The following LINGO2 variants were observed in gnomAD, a reference collection of about 807,000 sequenced individuals.
LINGO2 encodes leucine-rich repeat and immunoglobulin-like domain-containing nogo receptor-interacting protein 2.
In LINGO2, 14 loss-of-function variants were observed where a neutral mutation model predicts 30.6. The ratio of observed to expected loss-of-function variants is 0.46; its 90% CI spans 0.30 to 0.72. The LOEUF is 0.72. Among genes scored for constraint, LINGO2 ranks in the 30% least tolerant of loss-of-function variants. The pLI, the probability that LINGO2 is intolerant of heterozygous loss-of-function variation, is 0.07. For synonymous variants in LINGO2, 317 were observed against 288.5 expected, an observed-to-expected ratio of 1.10 and a Z score of -1.00; for missense variants, 729 against 751.7, an observed-to-expected ratio of 0.97 and a Z score of 0.35.
Position 28,209,419 on chromosome 9 carries a change from T to G in LINGO2, c.-87+85789A>C, listed in dbSNP as rs181480027. ...AATTTCCCTTGGGAATTTCTTTTCA[T>G]ACTGCAGGTGGTCTCATGAACTTTT... On this transcript the variant is annotated intron_variant, in intron 4 of 5. Coordinates refer to ENST00000379992, the Ensembl canonical transcript of LINGO2. 2.6e-5 allele frequency among the ~76,000 whole-genome samples: 4 copies of G among 152,034 alleles called. No homozygotes were observed. The East Asian group carries it at 7.7e-4, about 29-fold the overall frequency.
intron 5 of LINGO2, among the ~76,000 whole-genome samples, chr9:28,001,139 A>T (rs1023109686): frequency 4.6e-5 from 7 of 151,836 alleles, no homozygotes; most frequent in East Asian, 1.9e-4. Flanking sequence ...TTCCAAACAA[A>T]TTTTTTTTTA....
chr9:28,082,565 C>T (rs758723998), intron 4 of LINGO2, among the ~76,000 whole-genome samples: 2 of 151,980 alleles, frequency 1.3e-5, no homozygotes, highest in African/African-American at 2.4e-5. Context: ...TTGAAAGTGG[C>T]AGTAAACAAA....
chr9:28,442,082 C>A (rs1824221644), intron 2 of LINGO2, among the ~76,000 whole-genome samples: 1 of 150,748 alleles, frequency 6.6e-6, no homozygotes, highest in Non-Finnish European at 1.5e-5. Flanking sequence ...AGTGTTTTGC[C>A]TGTGATCTCG....
the LINGO2 span, among the ~76,000 whole-genome samples, chr9:29,154,934 G>A: frequency 6.6e-6 from 1 of 152,088 alleles, no homozygotes; most frequent in African/African-American, 2.4e-5. Flanking sequence ...CCCACTGACT[G>A]GGCCATTCAC....
intron 5 of LINGO2, among the ~76,000 whole-genome samples, chr9:28,009,263 A>G (rs1822429397): frequency 6.6e-6 from 1 of 152,076 alleles, no homozygotes; most frequent in Non-Finnish European, 1.5e-5. Context: ...AGTCATAGAC[A>G]AACTATGAGG....
chr9:28,345,510 T>G (rs1243923632), intron 3 of LINGO2, among the ~76,000 whole-genome samples: 1 of 152,196 alleles, frequency 6.6e-6, no homozygotes, highest in Non-Finnish European at 1.5e-5. Context: ...GATCACTTAG[T>G]AATTGCAATT....
At chr9:28,521,939 C>T (rs1339599365) in intron 1 of LINGO2, among the ~76,000 whole-genome samples, 1 of 152,172 alleles carries the variant, frequency 6.6e-6, no homozygotes, top group Non-Finnish European at 1.5e-5. Context: ...ATAGCCACCA[C>T]AAGCTAGAAG....
intron 5 of LINGO2, among the ~76,000 whole-genome samples, chr9:27,996,369 A>C (rs1821662875): frequency 6.6e-6 from 1 of 152,220 alleles, no homozygotes; most frequent in South Asian, 2.1e-4. Flanking sequence ...AATAGCCAAA[A>C]TATAGACTCA....
At chr9:29,191,898 AT>A in the LINGO2 span, among the ~76,000 whole-genome samples, 1 of 152,026 alleles carries the variant, frequency 6.6e-6, no homozygotes, top group Non-Finnish European at 1.5e-5. Flanking sequence ...TTTTCTGTGG[AT>A]TTTTTTCAAG....
intron 2 of LINGO2, among the ~76,000 whole-genome samples, chr9:28,421,544 C>T (rs1181707488): frequency 6.6e-6 from 1 of 151,144 alleles, no homozygotes; most frequent in Non-Finnish European, 1.5e-5. Context: ...GTAGTACCAT[C>T]ATTCCTTGGT....
chr9:28,441,561 C>G (rs1824199864), intron 2 of LINGO2, among the ~76,000 whole-genome samples: 1 of 151,938 alleles, frequency 6.6e-6, no homozygotes. Context: ...TGGAACATCC[C>G]AGGTTTTTCT....
At chr9:28,785,381 C>A in the LINGO2 span, among the ~76,000 whole-genome samples, 1 of 152,082 alleles carries the variant, frequency 6.6e-6, no homozygotes, top group Non-Finnish European at 1.5e-5. Flanking sequence ...ATCATTGAGA[C>A]CTCATATCAA....
At chr9:28,784,292 A>T in the LINGO2 span, among the ~76,000 whole-genome samples, 3 of 152,178 alleles carry the variant, frequency 2.0e-5, no homozygotes, top group Non-Finnish European at 4.4e-5. Flanking sequence ...AACACAAAAG[A>T]AATATTAGAT....
chr9:28,108,815 C>T (rs563023709), intron 4 of LINGO2, among the ~76,000 whole-genome samples: 2 of 152,142 alleles, frequency 1.3e-5, no homozygotes, highest in Admixed American at 1.3e-4. Flanking sequence ...ATATTTTATC[C>T]ATGTTTTGTA....
chr9:28,342,699 A>C (rs1324910967), intron 3 of LINGO2, among the ~76,000 whole-genome samples: 2 of 152,124 alleles, frequency 1.3e-5, no homozygotes. Flanking sequence ...ACTGAAACTA[A>C]CTTCTCCTAG....
the LINGO2 span, among the ~76,000 whole-genome samples, chr9:29,176,566 T>C: frequency 6.6e-6 from 1 of 152,228 alleles, no homozygotes; most frequent in Non-Finnish European, 1.5e-5. Context: ...ATGCAAACTG[T>C]GCTTAATCTT....
At position 28,624,526 on chromosome 9, in the gene LINGO2, T is replaced by G. The variant is rs191426847; in HGVS notation, c.-365+45674A>C. 1.2e-3 allele frequency among the ~76,000 whole-genome samples: 190 copies of G among 152,228 alleles called. 1 individual carries two copies. The highest frequency in any genetic ancestry group is 0.011 in the South Asian group (53 of 4,818). Reference sequence around the variant, plus strand: ...CATACCTTGAGTAAATCCCACTTGGTCATGGTAAATGATCTTTTTAAAAGT... The same window carrying G: ...CATACCTTGAGTAAATCCCACTTGGGCATGGTAAATGATCTTTTTAAAAGT... On this transcript the variant is annotated intron_variant, in intron 1 of 5. Coordinates refer to ENST00000379992, the Ensembl canonical transcript of LINGO2.
chr9:28,801,891 T>C, the LINGO2 span, among the ~76,000 whole-genome samples: 1 of 152,046 alleles, frequency 6.6e-6, no homozygotes, highest in South Asian at 2.1e-4. Flanking sequence ...TGAAATATTA[T>C]ATTTTTATTT....
intron 3 of LINGO2, among the ~76,000 whole-genome samples, chr9:28,347,221 A>G (rs1468869511): frequency 6.6e-6 from 1 of 152,244 alleles, no homozygotes; most frequent in Non-Finnish European, 1.5e-5. Flanking sequence ...CATTTAATTC[A>G]GCAAAAATTA....
Sources: allele counts gnomAD v4.1 joint callset (sites outside exome capture counted in the v4.1 genomes callset), GRCh38; gene constraint gnomAD v4.1.1; transcripts MANE v1.5; gene names NCBI Gene and HGNC (gene_info 2026-07-23, HGNC 2026-07-21).